TPM1: variants seen among roughly 807,000 people sequenced by gnomAD.
TPM1 encodes tropomyosin 1.
A neutral mutation model predicts 42.9 loss-of-function variants in TPM1; 24 were observed. That is an observed-to-expected ratio of 0.56 (90% CI 0.41 to 0.79). TPM1 has a LOEUF of 0.79. Ranked by LOEUF, TPM1 falls within the 30% of genes least tolerant of loss-of-function variation. The pLI, the probability that TPM1 is intolerant of heterozygous loss-of-function variation, is 0.00. For synonymous variants in TPM1, 136 were observed against 130.1 expected (o/e 1.05, Z -0.31); for missense variants, 158 against 351.8 (o/e 0.45, Z 4.41).
chr15:63,066,180 G>A (rs549554021), downstream of TPM1: 3 of 1,424,418 alleles, frequency 2.1e-6, no homozygotes, highest in South Asian at 1.5e-5. Flanking sequence ...TCACACATAT[G>A]AGGGTTAGTG....
chr15:63,056,854 A>G (rs1486725468), intron 2 of TPM1, 131 bp from the exon 3 acceptor site: 6 of 1,187,856 alleles, frequency 5.1e-6, no homozygotes, highest in Non-Finnish European at 7.5e-6. Context: ...GAGGGCTTGT[A>G]ATGCACTTAA....
chr15:63,061,414 C>A, intron 5 of TPM1: 1 of 872,178 alleles, frequency 1.1e-6, no homozygotes. Context: ...AGTGCTTTCC[C>A]TTGGTCCTTT....
At chr15:63,061,156 A>G in intron 5 of TPM1, 1 of 1,602,306 alleles carries the variant, frequency 6.2e-7, no homozygotes, top group Non-Finnish European at 8.6e-7. Context: ...CTGCACACTG[A>G]TTTTGTGAAT....
intron 3 of TPM1, among the ~76,000 whole-genome samples, chr15:63,058,971 T>TA (rs1325051947): frequency 1.3e-5 from 2 of 152,208 alleles, no homozygotes; most frequent in East Asian, 3.9e-4. Context: ...AGGTAAAACT[T>TA]AATTTGATGC....
At chr15:63,048,677 G>C (rs1423962789) in intron 2 of TPM1, 2 of 1,539,524 alleles carry the variant, frequency 1.3e-6, no homozygotes, top group African/African-American at 2.8e-5. Context: ...TGCAGCGCGA[G>C]CTGGACCACG....
chr15:63,065,223 T>A (rs1216126262), intron 9 of TPM1: 2 of 986,208 alleles, frequency 2.0e-6, no homozygotes, highest in Middle Eastern at 5.2e-4. Context: ...ACAACTAATT[T>A]ACATATTACT....
At position 63,066,008 on chromosome 15, in the gene TPM1, A is replaced by C. The variant is rs1595686296; in HGVS notation, c.*109A>C. 1.7e-5 allele frequency: 27 copies of C among 1,558,070 alleles called. No homozygotes were observed. The highest frequency in any genetic ancestry group is 2.3e-5 in the Non-Finnish European group (27 of 1,151,582). ...GCTGACCCTGGTTCTCTCTCTTAGCATCCTGCCTTAGAGCCAGGCACACAC... is the reference window on the plus strand; with the variant it reads ...GCTGACCCTGGTTCTCTCTCTTAGCCTCCTGCCTTAGAGCCAGGCACACAC... On this transcript the variant is annotated 3_prime_UTR_variant, in exon 10 of 10. Coordinates refer to ENST00000403994, the MANE Select transcript of TPM1 (RefSeq NM_001018005.2).
At chr15:63,070,507 G>A, downstream of TPM1, 1 of 993,116 alleles carries the variant, frequency 1.0e-6, no homozygotes, top group South Asian at 4.5e-5. Flanking sequence ...TTGGAGTCTG[G>A]GGAGAATGTC....
At chr15:63,053,673 A>ATTTTTTTT (rs397853689) in intron 2 of TPM1, among the ~76,000 whole-genome samples, 5 of 75,110 alleles carry the variant, frequency 6.7e-5, no homozygotes, top group South Asian at 5.0e-4. Flanking sequence ...TGGAAGTTTG[A>ATTTTTTTT]TTTTTTTTTT....
At chr15:63,062,670 G>A (rs750059091) in intron 8 of TPM1, 25 bp downstream of exon 8, 19 of 1,614,088 alleles carry the variant, frequency 1.2e-5, no homozygotes, top group Admixed American at 3.3e-5. Flanking sequence ...AGTGTTTTTA[G>A]TTTAATCCTT....
At position 63,063,232 on chromosome 15, in the gene TPM1, T is replaced by C. The variant is rs533982288; in HGVS notation, c.772+587T>C. The C allele has an allele frequency of 6.1e-6, 6 of 985,426 alleles. No individual in the cohort carries two copies. The African/African-American group carries it at 1.0e-4, about 17-fold the overall frequency. 61.0% of individuals were successfully genotyped at this position (985,426 alleles called of 1,614,324 possible). ...CCTAAATGTTGAGCTTTGAAGCTTG[T>C]GAAGGATTAGCTGTGAACAAGAAAG... On this transcript the variant is annotated intron_variant, in intron 8 of 9. Coordinates refer to ENST00000403994, the MANE Select transcript of TPM1 (RefSeq NM_001018005.2).
intron 1 of TPM1, 114 bp downstream of exon 1, chr15:63,043,057 C>G: frequency 1.1e-6 from 1 of 917,806 alleles, no homozygotes; most frequent in South Asian, 1.5e-5. Context: ...ACCCCCACCA[C>G]CACCCAGGGC....
At position 63,044,022 on chromosome 15, in the gene TPM1, C is replaced by G. The variant is rs753196985; in HGVS notation, c.115-5C>G. 3.1e-6 allele frequency: 5 copies of G among 1,613,724 alleles called. No individual in the cohort carries two copies. In the Admixed American group the frequency reaches 6.7e-5, roughly 22 times the overall value. Reference sequence around the variant, plus strand: ...CCCTCCCTGTACCCCCTGGCCAACTCCCAGCTGGAAGATGAGCTGGTGTCA... The same window carrying G: ...CCCTCCCTGTACCCCCTGGCCAACTGCCAGCTGGAAGATGAGCTGGTGTCA... On this transcript the variant is annotated splice_region_variant and splice_polypyrimidine_tract_variant and intron_variant, in intron 1 of 9. Transcript: ENST00000403994.
In TPM1 at chr15:63,042,921, C is replaced by T; in HGVS notation, c.92C>T (p.Ala31Val). The T allele has an allele frequency of 6.2e-7, 1 of 1,605,112 alleles. No homozygotes were observed. Among genetic ancestry groups the T allele is most frequent in the Non-Finnish European group, 8.5e-7 (1 of 1,175,976 alleles). The change falls in exon 1 of 10, where the codon GCG (alanine) becomes GTG (valine). Residue 31 changes from alanine to valine, a missense_variant. Ala to Val is a moderately conservative substitution (Grantham distance 64). This residue lies in a region of TPM1 where 24 missense variants were observed against 26.8 expected (regional missense o/e 0.89). Transcript: ENST00000403994. ...GAGCAGGCGGAGGCCGACAAGAAGG[C>T]GGCGGAAGACAGGAGCAAGCAGGTC... Reference protein sequence around the residue: ...RAEQAEADKKAAEDRSKQLED... With the variant: ...RAEQAEADKKVAEDRSKQLED...
rs184629179 is a variant in TPM1, at chr15:63,062,438, G to T, written c.703-138G>T. On this transcript the variant is annotated intron_variant, in intron 7 of 9. Coordinates refer to ENST00000403994, the MANE Select transcript of TPM1 (RefSeq NM_001018005.2). The stretch of plus-strand genomic sequence containing the variant: ...ACTGTGCTAACTGCCATTTCTCACA[G>T]AGGTGACTGAAACTGACAAGTAGTT... 117 of 1,257,070 alleles carry T rather than the reference G, an allele frequency of 9.3e-5. No homozygotes were observed. In the Admixed American group the frequency reaches 2.0e-3, roughly 21 times the overall value. 77.9% of individuals were successfully genotyped at this position (1,257,070 alleles called of 1,614,324 possible). A position where few individuals can be genotyped will look rare whatever the true frequency, so the allele number is the denominator to read the frequency against.
intron 6 of TPM1, 78 bp from the exon 7 acceptor site, chr15:63,062,137 C>A: frequency 7.7e-7 from 1 of 1,305,192 alleles, no homozygotes; most frequent in Non-Finnish European, 1.1e-6. Context: ...GTTGGCTGAG[C>A]TGGCGAGTTC....
chr15:63,048,498 A>C (rs1188987198), intron 2 of TPM1: 2 of 1,457,504 alleles, frequency 1.4e-6, no homozygotes, highest in African/African-American at 1.5e-5. Flanking sequence ...CAGCCAGGAC[A>C]GCCGCGGCAG....
At chr15:63,051,557 C>T (rs2033879075) in intron 2 of TPM1, among the ~76,000 whole-genome samples, 1 of 151,804 alleles carries the variant, frequency 6.6e-6, no homozygotes, top group African/African-American at 2.4e-5. Flanking sequence ...TCCCCCCTTT[C>T]CTTACCATAT....
rs1566935592 is a variant in TPM1, at chr15:63,042,756, C to G, written c.-74C>G. ...AAGCAGGCGGCTCCGCGCTCGCACT[C>G]CCGCTCCTCCGCCCGACCGCGCGCT... On this transcript the variant is annotated 5_prime_UTR_variant, in exon 1 of 10. Coordinates refer to ENST00000403994, the MANE Select transcript of TPM1 (RefSeq NM_001018005.2). 1.5e-6 allele frequency: 2 copies of G among 1,295,412 alleles called. No homozygotes were observed. The highest frequency in any genetic ancestry group is 1.5e-5 in the African/African-American group (1 of 68,622). 80.2% of individuals were successfully genotyped at this position (1,295,412 alleles called of 1,614,324 possible). A position where few individuals can be genotyped will look rare whatever the true frequency, so the allele number is the denominator to read the frequency against.
Sources: allele counts gnomAD v4.1 joint callset (sites outside exome capture counted in the v4.1 genomes callset), GRCh38; gene constraint gnomAD v4.1.1; regional missense constraint gnomAD v4.1.1; transcripts MANE v1.5; gene names NCBI Gene and HGNC (gene_info 2026-07-23, HGNC 2026-07-21).